DCAF17: variants seen among roughly 807,000 people sequenced by gnomAD.
DCAF17 encodes DDB1- and CUL4-associated factor 17.
DCAF17 carries 48 observed loss-of-function variants against 66.0 expected under a neutral mutation model. That is an observed-to-expected ratio of 0.73 (90% CI 0.58 to 0.92). The LOEUF (loss-of-function observed/expected upper bound fraction) is 0.92. Ranked by LOEUF, DCAF17 falls within the 40% of genes least tolerant of loss-of-function variation. The probability of loss-of-function intolerance (pLI) is 0.00; values close to 1 mark genes in which losing one functional copy is unlikely to be tolerated. For synonymous variants in DCAF17, 206 were observed against 214.6 expected (o/e 0.96, Z 0.35); for missense variants, 562 against 622.8 (o/e 0.90, Z 1.04).
intron 12 of DCAF17, among the ~76,000 whole-genome samples, chr2:171,478,692 T>A (rs1172717958): frequency 5.9e-5 from 9 of 152,220 alleles, no homozygotes; most frequent in Non-Finnish European, 1.0e-4. Context: ...CTATATTATT[T>A]GTAGGACCAT....
In DCAF17 at chr2:171,482,544, A is replaced by AGGCCAGT. The variant is rs1283542881; in HGVS notation, c.*1431_*1432insGCCAGTG. On this transcript the variant is annotated 3_prime_UTR_variant, in exon 14 of 14. Transcript: ENST00000375255. ...AGTAAGAGGCCAGTGAAAGTACTAA[A>AGGCCAGT]GAAAGAAACCAATGTTGTGTGAGTT... is the stretch of plus-strand genomic sequence containing the variant. The AGGCCAGT allele has an allele frequency of 6.6e-6, 3 of 454,010 alleles. No homozygotes were observed. Among genetic ancestry groups the AGGCCAGT allele is most frequent in the African/African-American group, 6.0e-5 (3 of 50,014 alleles). The allele number at this position is 454,010 out of a possible 1,614,324, so 28.1% of individuals were successfully genotyped here. A position where few individuals can be genotyped will look rare whatever the true frequency, so the allele number is the denominator to read the frequency against.
chr2:171,479,397 CA>C (rs1332687504), intron 12 of DCAF17, among the ~76,000 whole-genome samples: 3 of 152,176 alleles, frequency 2.0e-5, no homozygotes, highest in Non-Finnish European at 4.4e-5. Context: ...TTCCTTGAGA[CA>C]CAGTTCTGGG....
rs1402469807 is a variant in DCAF17 at position 171,482,172 on chromosome 2, G to A, written c.*1058G>A. On this transcript the variant is annotated 3_prime_UTR_variant, in exon 14 of 14. Coordinates refer to ENST00000375255, the MANE Select transcript of DCAF17 (RefSeq NM_025000.4). ...GGCAACCCAAGTAAAGGGAGAAAAT[G>A]TTTCTTTGTGCTTCCTGTTTGAGAA... 2 of 450,972 alleles carry A rather than the reference G, an allele frequency of 4.4e-6. No homozygotes were observed. The highest frequency in any genetic ancestry group is 8.9e-6 in the Non-Finnish European group (2 of 225,740). The allele number at this position is 450,972 out of a possible 1,614,324, so 27.9% of individuals were successfully genotyped here. A position where few individuals can be genotyped will look rare whatever the true frequency, so the allele number is the denominator to read the frequency against.
chr2:171,438,670 G>C (rs1694108479), intron 2 of DCAF17, among the ~76,000 whole-genome samples: 1 of 152,034 alleles, frequency 6.6e-6, no homozygotes, highest in Admixed American at 6.5e-5. Flanking sequence ...AGCTACTCCA[G>C]CTTTCTTTTG....
intron 8 of DCAF17, among the ~76,000 whole-genome samples, chr2:171,460,866 G>A (rs1300791028): frequency 6.6e-6 from 1 of 151,912 alleles, no homozygotes; most frequent in East Asian, 1.9e-4. Context: ...ACCTCTCTGG[G>A]CCTCAAATTT....
In DCAF17 at chr2:171,482,847, CA is replaced by C. The variant is rs1696800125; in HGVS notation, c.*1734del. The C allele has an allele frequency of 2.2e-6, 1 of 453,902 alleles. No homozygotes were observed. The highest frequency in any genetic ancestry group is 6.9e-5 in the East Asian group (1 of 14,402). 28.1% of individuals were successfully genotyped at this position (453,902 alleles called of 1,614,324 possible). A position where few individuals can be genotyped will look rare whatever the true frequency, so the allele number is the denominator to read the frequency against. On this transcript the variant is annotated 3_prime_UTR_variant, in exon 14 of 14. Transcript: ENST00000375255. ...TACTTCTGGTCTAGATATAACTTAC[CA>C]CTAAGAAACCCCCAGTATGTCACCA...
intron 8 of DCAF17, among the ~76,000 whole-genome samples, chr2:171,460,868 C>T (rs1385483532): frequency 1.3e-5 from 2 of 151,916 alleles, no homozygotes; most frequent in Non-Finnish European, 2.9e-5. Flanking sequence ...CTCTCTGGGC[C>T]TCAAATTTTG....
Position 171,483,709 on chromosome 2 carries a change from TAAGTA to T in DCAF17, c.*2600_*2604del, listed in dbSNP as rs1441285601. The T allele has an allele frequency of 4.4e-6, 2 of 454,096 alleles. No homozygotes were observed. Among genetic ancestry groups the T allele is most frequent in the South Asian group, 1.6e-5 (1 of 64,474 alleles). The allele number at this position is 454,096 out of a possible 1,614,324, so 28.1% of individuals were successfully genotyped here. ...ATCTACTAGTCACTGTGATACAGTA[TAAGTA>T]AAGTGGGTTGTCTCATTTAATATTC... On this transcript the variant is annotated 3_prime_UTR_variant, in exon 14 of 14. Coordinates refer to ENST00000375255, the MANE Select transcript of DCAF17 (RefSeq NM_025000.4).
chr2:171,451,752 T>A (rs1050169024), intron 5 of DCAF17, among the ~76,000 whole-genome samples: 3 of 152,156 alleles, frequency 2.0e-5, no homozygotes, highest in African/African-American at 7.2e-5. Flanking sequence ...ATTTTTGTAT[T>A]TTTACTAGAG....
intron 2 of DCAF17, chr2:171,443,286 C>T (rs1401691174): frequency 2.6e-6 from 1 of 384,146 alleles, no homozygotes; most frequent in Non-Finnish European, 4.7e-6. Context: ...AGGAAATGAA[C>T]CAAAATGTTA....
chr2:171,458,487 CT>C lies in DCAF17; in HGVS notation c.838+11del. ...AATATTAAAATCACAGGTATGGCTA[CT>C]CTATAGTATTTTTTCACCTTAAAAA... is the stretch of plus-strand genomic sequence containing the variant. On this transcript the variant is annotated intron_variant, in intron 8 of 13. Coordinates refer to ENST00000375255, the MANE Select transcript of DCAF17 (RefSeq NM_025000.4). 6.3e-7 allele frequency: 1 copy of C among 1,591,508 alleles called. No individual in the cohort carries two copies. The highest frequency in any genetic ancestry group is 2.2e-5 in the East Asian group (1 of 44,742).
chr2:171,459,194 C>G (rs1336318396), intron 8 of DCAF17, among the ~76,000 whole-genome samples: 2 of 152,052 alleles, frequency 1.3e-5, no homozygotes, highest in East Asian at 3.9e-4. Flanking sequence ...TGTAATCCCA[C>G]CTACTCGCAA....
Position 171,449,952 on chromosome 2 carries a change from C to T in DCAF17, c.532C>T (p.Arg178Trp), listed in dbSNP as rs377364475. Residue 178 changes from arginine to tryptophan, a missense_variant, in exon 5 of 14, where the codon CGG (arginine) becomes TGG (tryptophan). By Grantham distance (101) the Arg-to-Trp change is moderately radical. This residue lies in a region of DCAF17 where 348 missense variants were observed against 355.9 expected (regional missense o/e 0.98). Transcript: ENST00000375255. ...TCAGAACAGAGGCTCAGCAGTGGCC[C>T]GGCAGGTATACATATTTAAACATTC... is the stretch of plus-strand genomic sequence containing the variant. ...SAQNRGSAVA[R>W]QAGIQQHVLL... The T allele has an allele frequency of 3.9e-5, 63 of 1,612,416 alleles. 1 individual carries two copies. Among genetic ancestry groups the T allele is most frequent in the East Asian group, 2.9e-4 (13 of 44,848 alleles).
At chr2:171,464,643 C>T (rs1695789919) in intron 8 of DCAF17, among the ~76,000 whole-genome samples, 1 of 152,168 alleles carries the variant, frequency 6.6e-6, no homozygotes, top group Admixed American at 6.5e-5. Flanking sequence ...CAAGTCAACT[C>T]ACAACAGAGA....
At chr2:171,469,144 A>AT in intron 9 of DCAF17, 114 bp downstream of exon 9, 1 of 1,171,180 alleles carries the variant, frequency 8.5e-7, no homozygotes, top group Non-Finnish European at 1.2e-6. Context: ...TGTATTAACA[A>AT]TTTGCAAACA....
chr2:171,482,882 A>T lies in DCAF17; in HGVS notation c.*1768A>T, dbSNP rs2105304860. ...CCCCCAGTATGTCACCACTGCCTAA[A>T]TCTAACTAGACCAGGGTCCAAATGC... On this transcript the variant is annotated 3_prime_UTR_variant, in exon 14 of 14. Coordinates refer to ENST00000375255, the MANE Select transcript of DCAF17 (RefSeq NM_025000.4). 2.2e-6 allele frequency: 1 copy of T among 454,066 alleles called. No individual in the cohort carries two copies. The highest frequency in any genetic ancestry group is 1.6e-5 in the South Asian group (1 of 64,474). 28.1% of individuals were successfully genotyped at this position (454,066 alleles called of 1,614,324 possible).
In DCAF17 at chr2:171,482,483, C is replaced by G. The variant is rs1477747989; in HGVS notation, c.*1369C>G. ...TAGACACTAGCTGTATCTAAATAGT[C>G]CCACTCAGTAAACTTACATCTTGAA... is the stretch of plus-strand genomic sequence containing the variant. On this transcript the variant is annotated 3_prime_UTR_variant, in exon 14 of 14. Coordinates refer to ENST00000375255, the MANE Select transcript of DCAF17 (RefSeq NM_025000.4). The G allele has an allele frequency of 2.2e-6, 1 of 453,830 alleles. No individual in the cohort carries two copies. The highest frequency in any genetic ancestry group is 4.4e-6 in the Non-Finnish European group (1 of 226,780). The allele number at this position is 453,830 out of a possible 1,614,324, so 28.1% of individuals were successfully genotyped here.
At chr2:171,458,567 C>T (rs1411988541) in intron 8 of DCAF17, 90 bp downstream of exon 8, 4 of 1,046,732 alleles carry the variant, frequency 3.8e-6, no homozygotes, top group Admixed American at 2.1e-5. Flanking sequence ...ATGTTTTTCT[C>T]ATTTATTTAA....
At chr2:171,463,059 T>C (rs994897553) in intron 8 of DCAF17, among the ~76,000 whole-genome samples, 10 of 151,892 alleles carry the variant, frequency 6.6e-5, no homozygotes, top group African/African-American at 2.2e-4. Context: ...GGCGAAACCC[T>C]GTCTCTACTA....
Sources: gnomAD v4.1 joint callset for allele counts (sites outside exome capture counted in the v4.1 genomes callset) on GRCh38, gnomAD v4.1.1 for gene constraint, gnomAD v4.1.1 regional missense constraint, MANE v1.5 for transcripts, NCBI Gene and HGNC (gene_info 2026-07-23, HGNC 2026-07-21) for gene names.